CDK6: variants seen among roughly 807,000 people sequenced by gnomAD.
CDK6 encodes cyclin dependent kinase 6, also known as cyclin-dependent kinase 6.
A neutral mutation model predicts 37.1 loss-of-function variants in CDK6; 6 were observed. The observed-to-expected ratio is 0.16, with a 90% CI of 0.09 to 0.32. CDK6 has a LOEUF of 0.32. CDK6 is among the 10% of genes least tolerant of loss of function. The pLI is 1.00. For missense variants in CDK6, 224 were observed against 418.9 expected, an observed-to-expected ratio of 0.53 and a Z score of 4.06; for synonymous variants, 160 against 161.3, an observed-to-expected ratio of 0.99 and a Z score of 0.06.
chr7:92,662,423 A>T (rs1411729370), intron 5 of CDK6, among the ~76,000 whole-genome samples: 2 of 152,074 alleles, frequency 1.3e-5, no homozygotes, highest in African/African-American at 2.4e-5. Context: ...AGGGGAGGAA[A>T]CATGCCCACC....
intron 2 of CDK6, among the ~76,000 whole-genome samples, chr7:92,790,364 T>A (rs936237715): frequency 6.6e-6 from 1 of 152,162 alleles, no homozygotes; most frequent in Non-Finnish European, 1.5e-5. Context: ...ACAAAGGGCC[T>A]TTATCCTGTT....
chr7:92,685,233 A>T (rs1325762504), intron 4 of CDK6, among the ~76,000 whole-genome samples: 1 of 152,236 alleles, frequency 6.6e-6, no homozygotes, highest in Admixed American at 6.5e-5. Flanking sequence ...GTTTCTAGGA[A>T]GAACCACACT....
chr7:92,632,931 ATCTT>A lies in CDK6; in HGVS notation c.648-9849_648-9846del, dbSNP rs1244976443. ...AATGGATATGATGGTATCTCTAAAG[ATCTT>A]TTTTTTTTTTTTTTTTTTTTTCCAA... On this transcript the variant is annotated intron_variant, in intron 5 of 7. Transcript: ENST00000424848. Among the ~76,000 whole-genome samples the A allele has an allele frequency of 7.3e-5, 10 of 137,136 alleles. No individual in the cohort carries two copies. The East Asian group carries it at 1.9e-3, about 26-fold the overall frequency. The allele number at this position is 137,136 out of a possible 152,430, so 90.0% of individuals were successfully genotyped here. A position where few individuals can be genotyped will look rare whatever the true frequency, so the allele number is the denominator to read the frequency against.
rs149807430 is a variant in CDK6, at chr7:92,793,992, G to C, written c.234-19161C>G. Among the ~76,000 whole-genome samples the C allele has an allele frequency of 4.4e-4, 67 of 152,162 alleles. 1 individual carries two copies. The East Asian group carries it at 7.9e-3, about 18-fold the overall frequency. ...ATATAGTAAAAACACTGAATCAAGC[G>C]CTTTAAATGGGTGAATTGCTTTGCA... On this transcript the variant is annotated intron_variant, in intron 2 of 7. Transcript: ENST00000424848.
At chr7:92,692,060 G>A (rs1045718360) in intron 4 of CDK6, among the ~76,000 whole-genome samples, 12 of 152,110 alleles carry the variant, frequency 7.9e-5, no homozygotes, top group Admixed American at 7.9e-4. Context: ...CTGAAGTCAG[G>A]AGTTCAAAAC....
intron 2 of CDK6, among the ~76,000 whole-genome samples, chr7:92,781,208 A>G (rs750858454): frequency 6.6e-6 from 1 of 152,230 alleles, no homozygotes; most frequent in Non-Finnish European, 1.5e-5. Context: ...TCATTTCACA[A>G]TTAAGTTGGC....
At chr7:92,825,583 C>T (rs1380675569) in intron 2 of CDK6, among the ~76,000 whole-genome samples, 2 of 152,158 alleles carry the variant, frequency 1.3e-5, no homozygotes, top group African/African-American at 4.8e-5. Context: ...TCCAAATTCT[C>T]TGTACACAAA....
intron 5 of CDK6, among the ~76,000 whole-genome samples, chr7:92,655,669 C>T (rs980885115): frequency 1.3e-5 from 2 of 152,236 alleles, no homozygotes; most frequent in East Asian, 1.9e-4. Flanking sequence ...AAGTTTTAGA[C>T]TGGGAATGTC....
chr7:92,828,035 TAA>T (rs1165963235), intron 2 of CDK6, among the ~76,000 whole-genome samples: 1 of 152,110 alleles, frequency 6.6e-6, no homozygotes, highest in Non-Finnish European at 1.5e-5. Context: ...AGACAAGTAC[TAA>T]GTGTTTCAAT....
Position 92,614,916 on chromosome 7 carries a change from GACAA to G in CDK6, c.*220_*223del, listed in dbSNP as rs1304265174. Reference sequence around the variant, plus strand: ...TTTTTCCAGGTTCTTGAAACAAACAGACAAACAAACAAACAAATGAACATAAAGC... The same window carrying G: ...TTTTTCCAGGTTCTTGAAACAAACAGACAAACAAACAAATGAACATAAAGC... On this transcript the variant is annotated 3_prime_UTR_variant, in exon 8 of 8. Coordinates refer to ENST00000424848, the MANE Select transcript of CDK6 (RefSeq NM_001145306.2). The G allele has an allele frequency of 4.9e-5, 22 of 453,272 alleles. No homozygotes were observed. The highest frequency in any genetic ancestry group is 1.8e-4 in the Admixed American group (5 of 27,696). 28.1% of individuals were successfully genotyped at this position (453,272 alleles called of 1,614,324 possible). A position where few individuals can be genotyped will look rare whatever the true frequency, so the allele number is the denominator to read the frequency against.
At chr7:92,644,611 G>A (rs890516569) in intron 5 of CDK6, among the ~76,000 whole-genome samples, 8 of 152,130 alleles carry the variant, frequency 5.3e-5, no homozygotes, top group African/African-American at 1.9e-4. Flanking sequence ...AGTGTAGAAG[G>A]ACACATTAAG....
chr7:92,790,950 A>T (rs1800267136), intron 2 of CDK6, among the ~76,000 whole-genome samples: 1 of 152,148 alleles, frequency 6.6e-6, no homozygotes, highest in East Asian at 1.9e-4. Context: ...GTTCCTCTGG[A>T]AAGTGGGCAA....
chr7:92,644,076 T>C (rs1226995960), intron 5 of CDK6, among the ~76,000 whole-genome samples: 1 of 152,234 alleles, frequency 6.6e-6, no homozygotes, highest in Admixed American at 6.5e-5. Flanking sequence ...TCCAATTTTC[T>C]TTCTCAGTGC....
rs534195865 is a variant in CDK6, at chr7:92,761,097, T to C, written c.369+13599A>G. Among the ~76,000 whole-genome samples the C allele has an allele frequency of 3.0e-3, 460 of 152,182 alleles. 8 individuals carry two copies. Among genetic ancestry groups the C allele is most frequent in the African/African-American group, 9.9e-3 (411 of 41,562 alleles). ...TAAGGATATTAAACCTTTGCCATAG[T>C]TTTTGCAAATATTTTATCATTTGCT... On this transcript the variant is annotated intron_variant, in intron 3 of 7. Coordinates refer to ENST00000424848, the MANE Select transcript of CDK6 (RefSeq NM_001145306.2).
At chr7:92,629,114 A>G (rs1211180928) in intron 5 of CDK6, among the ~76,000 whole-genome samples, 1 of 152,122 alleles carries the variant, frequency 6.6e-6, no homozygotes, top group Non-Finnish European at 1.5e-5. Flanking sequence ...TGACAAGGAA[A>G]GACCGTGGCA....
At chr7:92,656,967 C>G (rs767636491) in intron 5 of CDK6, among the ~76,000 whole-genome samples, 5 of 152,122 alleles carry the variant, frequency 3.3e-5, no homozygotes, top group Non-Finnish European at 5.9e-5. Context: ...ACCATTAGAT[C>G]ATACCCTTGG....
intron 2 of CDK6, among the ~76,000 whole-genome samples, chr7:92,775,312 TG>T (rs1483431509): frequency 1.3e-5 from 2 of 152,208 alleles, no homozygotes; most frequent in South Asian, 2.1e-4. Context: ...ACAAATATGA[TG>T]GAATATGGAG....
intron 3 of CDK6, among the ~76,000 whole-genome samples, chr7:92,765,881 C>G (rs978363593): frequency 5.3e-5 from 8 of 152,064 alleles, no homozygotes; most frequent in Non-Finnish European, 5.9e-5. Context: ...CTGAGAGGGT[C>G]AGAGAAGGAA....
intron 2 of CDK6, among the ~76,000 whole-genome samples, chr7:92,782,983 C>T (rs1800033830): frequency 6.6e-6 from 1 of 152,168 alleles, no homozygotes; most frequent in Non-Finnish European, 1.5e-5. Context: ...GGAATCTATT[C>T]ACCTTAAATG....
Sources: allele counts gnomAD v4.1 joint callset (sites outside exome capture counted in the v4.1 genomes callset), GRCh38; gene constraint gnomAD v4.1.1; transcripts MANE v1.5; gene names NCBI Gene and HGNC (gene_info 2026-07-23, HGNC 2026-07-21).